The following SOX6 variants were observed in gnomAD, a reference collection of about 807,000 sequenced individuals.
SOX6 encodes the protein transcription factor SOX-6.
A neutral mutation model predicts 97.8 loss-of-function variants in SOX6; 11 were observed. That is an observed-to-expected ratio of 0.11 (90% CI 0.07 to 0.19). The LOEUF (loss-of-function observed/expected upper bound fraction) is 0.19, where lower values mean the gene tolerates loss of function less well. Among genes scored for constraint, SOX6 ranks in the 10% least tolerant of loss-of-function variants. The probability of loss-of-function intolerance (pLI) is 1.00; values close to 1 mark genes in which losing one functional copy is unlikely to be tolerated. For synonymous variants in SOX6, 360 were observed against 371.4 expected (o/e 0.97, Z 0.35); for missense variants, 810 against 1,039.5 (o/e 0.78, Z 3.04).
chr11:16,421,508 T>C (rs1859021112), intron 1 of SOX6, among the ~76,000 whole-genome samples: 1 of 152,166 alleles, frequency 6.6e-6, no homozygotes, highest in Admixed American at 6.6e-5. Flanking sequence ...CAAAGCCAAC[T>C]TCAGCATTTG....
chr11:16,661,722 T>C (rs1233283552), intron 3 of SOX6, among the ~76,000 whole-genome samples: 1 of 152,098 alleles, frequency 6.6e-6, no homozygotes, highest in African/African-American at 2.4e-5. Flanking sequence ...TAATTTTTTT[T>C]ACTTTGTGTA....
chr11:16,165,383 T>A (rs186278916), intron 6 of SOX6, among the ~76,000 whole-genome samples: 25 of 152,328 alleles, frequency 1.6e-4, no homozygotes, highest in Non-Finnish European at 3.2e-4. Context: ...CTAAGGGACT[T>A]AAATGTTTAA....
rs148829230 is a variant in SOX6, at chr11:16,421,931, A to T, written c.-5+54384T>A. ...AACAGAACCATTTGGAAAATAAGCTAGCAATTAACACAGCTTTTGCACATG... is the reference window on the plus strand; with the variant it reads ...AACAGAACCATTTGGAAAATAAGCTTGCAATTAACACAGCTTTTGCACATG... On this transcript the variant is annotated intron_variant, in intron 1 of 15. Transcript: ENST00000396356. Among the ~76,000 whole-genome samples the T allele has an allele frequency of 5.8e-3, 887 of 152,296 alleles. 7 individuals are homozygous for T. Among genetic ancestry groups the T allele is most frequent in the Non-Finnish European group, 9.2e-3 (625 of 68,018 alleles).
intron 1 of SOX6, among the ~76,000 whole-genome samples, chr11:16,456,575 G>A (rs1859813833): frequency 6.6e-6 from 1 of 152,060 alleles, no homozygotes; most frequent in African/African-American, 2.4e-5. Flanking sequence ...CAAGTCACTC[G>A]AGATACCAGG....
At chr11:16,207,345 G>A (rs148966550) in intron 4 of SOX6, among the ~76,000 whole-genome samples, 1 of 152,164 alleles carries the variant, frequency 6.6e-6, no homozygotes, top group African/African-American at 2.4e-5. Flanking sequence ...GCTCACGCCT[G>A]TAATCCTAGC....
At chr11:15,990,033 T>G (rs1189728137) in intron 13 of SOX6, among the ~76,000 whole-genome samples, 1 of 152,008 alleles carries the variant, frequency 6.6e-6, no homozygotes, top group Non-Finnish European at 1.5e-5. Context: ...GGGAGTAAAG[T>G]CTGATGGGAA....
chr11:16,449,555 G>A (rs1859681173), intron 1 of SOX6, among the ~76,000 whole-genome samples: 1 of 152,118 alleles, frequency 6.6e-6, no homozygotes, highest in Admixed American at 6.5e-5. Flanking sequence ...GCCTCCCAAA[G>A]TGTTGGGATT....
chr11:15,972,604 A>T lies in SOX6; in HGVS notation c.*205T>A. On this transcript the variant is annotated 3_prime_UTR_variant, in exon 16 of 16. Coordinates refer to ENST00000683767, the MANE Select transcript of SOX6 (RefSeq NM_001367873.1). The stretch of plus-strand genomic sequence containing the variant: ...TCTTCACCTAAATTAAAAAAACAAC[A>T]ACAACAACAATAACAATAACAACAA... The T allele has an allele frequency of 3.3e-6, 2 of 607,512 alleles. No individual in the cohort carries two copies. The highest frequency in any genetic ancestry group is 5.7e-6 in the Non-Finnish European group (2 of 349,234). 37.6% of individuals were successfully genotyped at this position (607,512 alleles called of 1,614,324 possible).
intron 4 of SOX6, among the ~76,000 whole-genome samples, chr11:16,215,895 A>T (rs1852359488): frequency 6.6e-6 from 1 of 152,190 alleles, no homozygotes; most frequent in African/African-American, 2.4e-5. Context: ...TAGGTCAAAG[A>T]GTAGTATGAA....
chr11:16,602,803 C>T (rs1286402879), intron 4 of SOX6, among the ~76,000 whole-genome samples: 1 of 152,086 alleles, frequency 6.6e-6, no homozygotes, highest in South Asian at 2.1e-4. Context: ...AGGCAGATCA[C>T]CTGAGGTCAG....
intron 12 of SOX6, among the ~76,000 whole-genome samples, chr11:16,043,115 C>T (rs1354098746): frequency 6.6e-6 from 1 of 152,142 alleles, no homozygotes; most frequent in African/African-American, 2.4e-5. Context: ...GACTTAGAAG[C>T]AGCCTAATTA....
chr11:15,988,167 T>C (rs1304340993), intron 14 of SOX6, among the ~76,000 whole-genome samples: 2 of 152,252 alleles, frequency 1.3e-5, no homozygotes, highest in South Asian at 4.1e-4. Context: ...CAGCTTTAAG[T>C]AGAGCAGTGC....
intron 13 of SOX6, among the ~76,000 whole-genome samples, chr11:15,992,655 G>C (rs1854090922): frequency 6.6e-6 from 1 of 152,072 alleles, no homozygotes; most frequent in African/African-American, 2.4e-5. Context: ...TCCTTCCCTA[G>C]ATTTATAATA....
At chr11:16,516,978 C>T (rs7123954) in intron 4 of SOX6, among the ~76,000 whole-genome samples, 23,571 of 128,060 alleles carry the variant, frequency 0.18, 1,463 homozygotes, top group East Asian at 0.38. Context: ...AGCTTATCCA[C>T]CATGATCAAG....
At chr11:16,285,548 T>C (rs1261123564) in intron 3 of SOX6, among the ~76,000 whole-genome samples, 1 of 151,992 alleles carries the variant, frequency 6.6e-6, no homozygotes, top group Non-Finnish European at 1.5e-5. Context: ...TATGTATATA[T>C]ATTTATATAT....
chr11:16,296,733 T>C (rs1464131910), intron 3 of SOX6, among the ~76,000 whole-genome samples: 7 of 152,094 alleles, frequency 4.6e-5, no homozygotes, highest in South Asian at 4.1e-4. Flanking sequence ...GGTTTGAAAA[T>C]GGTAGGAAAT....
In SOX6 at chr11:16,417,335, C is replaced by A. The variant is rs183244448; in HGVS notation, c.-5+58980G>T. Among the ~76,000 whole-genome samples the A allele has an allele frequency of 2.6e-5, 4 of 152,240 alleles. No homozygotes were observed. The East Asian group carries it at 7.7e-4, about 29-fold the overall frequency. Reference sequence around the variant, plus strand: ...TCTTTGAAAGGCTCAGACACAGGGCCAGAATGCCACTAATTCAGCAAAAAT... The same window carrying A: ...TCTTTGAAAGGCTCAGACACAGGGCAAGAATGCCACTAATTCAGCAAAAAT... On this transcript the variant is annotated intron_variant, in intron 1 of 15. Transcript: ENST00000396356.
chr11:16,370,627 C>T (rs776818665), intron 1 of SOX6, among the ~76,000 whole-genome samples: 2 of 152,028 alleles, frequency 1.3e-5, no homozygotes, highest in Non-Finnish European at 2.9e-5. Flanking sequence ...GGAGGTCTAA[C>T]ATGCATCTCA....
chr11:16,431,183 C>T (rs1251854588), intron 1 of SOX6, among the ~76,000 whole-genome samples: 1 of 152,044 alleles, frequency 6.6e-6, no homozygotes, highest in African/African-American at 2.4e-5. Flanking sequence ...ATAGCAAACT[C>T]CTCACCTCAG....
Sources: allele counts gnomAD v4.1 joint callset (sites outside exome capture counted in the v4.1 genomes callset), GRCh38; gene constraint gnomAD v4.1.1; transcripts MANE v1.5; gene names NCBI Gene and HGNC (gene_info 2026-07-23, HGNC 2026-07-21).